The following SUMF1 variants were observed in gnomAD, a reference collection of about 807,000 sequenced individuals.
SUMF1 encodes formylglycine-generating enzyme.
Under a neutral mutation model 47.6 loss-of-function variants are expected in SUMF1, and 48 were observed. The ratio of observed to expected loss-of-function variants is 1.01; its 90% CI spans 0.80 to 1.28. SUMF1 has a LOEUF of 1.28. Among genes scored for constraint, SUMF1 ranks in the 50% most tolerant of loss-of-function variants. The pLI is 0.00. For synonymous variants in SUMF1, 230 were observed against 192.1 expected (o/e 1.20, Z -1.63); for missense variants, 571 against 485.4 (o/e 1.18, Z -1.66).
intron 8 of SUMF1, among the ~76,000 whole-genome samples, chr3:4,165,321 T>C (rs1574942386): frequency 6.6e-6 from 1 of 152,222 alleles, no homozygotes; most frequent in East Asian, 1.9e-4. Context: ...GAAGGGGACA[T>C]ATACCCGGGT....
intron 8 of SUMF1, among the ~76,000 whole-genome samples, chr3:4,186,870 C>T (rs1038481053): frequency 2.0e-5 from 3 of 152,068 alleles, no homozygotes; most frequent in African/African-American, 7.2e-5. Flanking sequence ...TCTCTGTGTT[C>T]CTTTGATATA....
chr3:4,312,752 C>T (rs1353021890), intron 8 of SUMF1: 1 of 799,062 alleles, frequency 1.3e-6, no homozygotes, highest in Non-Finnish European at 1.8e-6. Context: ...TGTTTTTGGA[C>T]AATATCTTAG....
At chr3:4,460,552 C>A (rs578145303) in intron 1 of SUMF1, among the ~76,000 whole-genome samples, 6 of 151,352 alleles carry the variant, frequency 4.0e-5, no homozygotes, top group African/African-American at 9.7e-5. Flanking sequence ...CTCCAGGAGG[C>A]CTTTCCTGCC....
intron 8 of SUMF1, among the ~76,000 whole-genome samples, chr3:4,250,566 C>T (rs1275048118): frequency 6.6e-6 from 1 of 152,040 alleles, no homozygotes; most frequent in East Asian, 1.9e-4. Context: ...TAGAGGCCAT[C>T]TAGTATTTTC....
downstream of SUMF1, among the ~76,000 whole-genome samples, chr3:4,356,528 G>T (rs757883809): frequency 8.6e-5 from 13 of 151,982 alleles, no homozygotes; most frequent in Non-Finnish European, 7.4e-5. Context: ...TACATTTCTT[G>T]CTAGTACATT....
chr3:4,336,828 T>C (rs1378082512), intron 8 of SUMF1, among the ~76,000 whole-genome samples: 1 of 152,264 alleles, frequency 6.6e-6, no homozygotes, highest in Non-Finnish European at 1.5e-5. Context: ...CTTGTGGTTA[T>C]GAAGACACTT....
chr3:4,253,627 G>C (rs973429038), intron 8 of SUMF1, among the ~76,000 whole-genome samples: 4 of 151,458 alleles, frequency 2.6e-5, no homozygotes, highest in Admixed American at 2.0e-4. Flanking sequence ...AAGGAATCTC[G>C]CTGATTGCTA....
At chr3:4,261,295 CA>C (rs2125023750) in intron 8 of SUMF1, among the ~76,000 whole-genome samples, 1 of 152,216 alleles carries the variant, frequency 6.6e-6, no homozygotes, top group South Asian at 2.1e-4. Context: ...CTTACTTGAA[CA>C]GTAACATTTG....
At chr3:4,260,875 A>C (rs1466046073) in intron 8 of SUMF1, among the ~76,000 whole-genome samples, 1 of 152,216 alleles carries the variant, frequency 6.6e-6, no homozygotes, top group Non-Finnish European at 1.5e-5. Context: ...CAAGGAATGC[A>C]GCCACCTCTA....
At chr3:4,322,252 T>A (rs1164996702) in intron 8 of SUMF1, among the ~76,000 whole-genome samples, 3 of 152,142 alleles carry the variant, frequency 2.0e-5, no homozygotes, top group Admixed American at 6.6e-5. Flanking sequence ...TAGTTAATGA[T>A]GTATCAATAT....
At chr3:4,429,217 T>G (rs1702161302) in intron 3 of SUMF1, among the ~76,000 whole-genome samples, 1 of 152,240 alleles carries the variant, frequency 6.6e-6, no homozygotes, top group Non-Finnish European at 1.5e-5. Context: ...ACAAAAATCC[T>G]CAATATTATT....
At chr3:4,394,581 C>G (rs1460464374) in intron 7 of SUMF1, among the ~76,000 whole-genome samples, 2 of 152,186 alleles carry the variant, frequency 1.3e-5, no homozygotes, top group East Asian at 3.8e-4. Flanking sequence ...AATGTGTCAC[C>G]TTGGCTAGAC....
intron 8 of SUMF1, among the ~76,000 whole-genome samples, chr3:4,145,212 A>AG (rs909959538): frequency 2.0e-5 from 3 of 150,160 alleles, no homozygotes; most frequent in Non-Finnish European, 4.4e-5. Context: ...AAAAAAAAAA[A>AG]AGCCATCTCC....
chr3:4,117,282 G>C (rs1467869322), intron 8 of SUMF1, among the ~76,000 whole-genome samples: 2 of 151,758 alleles, frequency 1.3e-5, no homozygotes, highest in African/African-American at 2.4e-5. Context: ...CTAAAGCAAA[G>C]GTTAATAGGG....
intron 1 of SUMF1, among the ~76,000 whole-genome samples, chr3:4,463,243 G>C (rs894078681): frequency 1.1e-4 from 16 of 152,222 alleles, no homozygotes; most frequent in African/African-American, 3.9e-4. Context: ...TGTAATCCCA[G>C]CACTTTGGGA....
intron 8 of SUMF1, among the ~76,000 whole-genome samples, chr3:4,105,724 G>A (rs1024267114): frequency 1.3e-5 from 2 of 151,966 alleles, no homozygotes; most frequent in African/African-American, 2.4e-5. Context: ...AAGACAAGAC[G>A]ATAAAATTAA....
intron 7 of SUMF1, among the ~76,000 whole-genome samples, chr3:4,398,293 A>G (rs1701100745): frequency 6.6e-6 from 1 of 152,198 alleles, no homozygotes; most frequent in African/African-American, 2.4e-5. Flanking sequence ...GGCATTCAGT[A>G]GCTTGCCAGT....
chr3:4,456,708 ATATATATACATATATATACGTGTG>A (rs1559312277), intron 1 of SUMF1, among the ~76,000 whole-genome samples: 12 of 134,766 alleles, frequency 8.9e-5, no homozygotes, highest in African/African-American at 3.1e-4. Context: ...ATATATACGT[ATATATATACATATATATACGTGTG>A]TATATATACA....
At chr3:4,329,667 C>G (rs1464855925) in intron 8 of SUMF1, among the ~76,000 whole-genome samples, 1 of 152,208 alleles carries the variant, frequency 6.6e-6, no homozygotes, top group African/African-American at 2.4e-5. Context: ...TTCTGATATG[C>G]CCTGGAGACA....
Sources: gnomAD v4.1 joint callset for allele counts (sites outside exome capture counted in the v4.1 genomes callset) on GRCh38, gnomAD v4.1.1 for gene constraint, MANE v1.5 for transcripts, NCBI Gene and HGNC (gene_info 2026-07-23, HGNC 2026-07-21) for gene names.